The following ENG variants were observed in gnomAD, a reference collection of about 807,000 sequenced individuals.
The protein encoded by ENG is endoglin.
A neutral mutation model predicts 71.0 loss-of-function variants in ENG; 17 were observed. The ratio of observed to expected loss-of-function variants is 0.24; its 90% CI spans 0.16 to 0.36. ENG has a LOEUF of 0.36. Ranked by LOEUF, ENG falls within the 10% of genes least tolerant of loss-of-function variation. The probability of loss-of-function intolerance (pLI) is 1.00; values close to 1 mark genes in which losing one functional copy is unlikely to be tolerated. For synonymous variants in ENG, 360 were observed against 366.9 expected, an observed-to-expected ratio of 0.98 and a Z score of 0.21; for missense variants, 749 against 868.3, an observed-to-expected ratio of 0.86 and a Z score of 1.73.
intron 1 of ENG, among the ~76,000 whole-genome samples, chr9:127,851,276 G>C (rs1831277361): frequency 6.6e-6 from 1 of 151,914 alleles, no homozygotes; most frequent in Admixed American, 6.6e-5. Context: ...CTGGAGTGCG[G>C]TGGCTTGATC....
At chr9:127,831,767 C>T (rs1177527113) in intron 2 of ENG, among the ~76,000 whole-genome samples, 1 of 151,188 alleles carries the variant, frequency 6.6e-6, no homozygotes, top group African/African-American at 2.4e-5. Flanking sequence ...TCTCAGCTCA[C>T]TACAACCTCT....
rs751781664 is a variant in ENG, at chr9:127,820,057, C to T, written c.1135-20G>A. The stretch of plus-strand genomic sequence containing the variant: ...CAAATGCTGGGTCGGAAGAGAGGGG[C>T]ACCATCAGGAGGCACTGGGGTCTCT... On this transcript the variant is annotated intron_variant, in intron 8 of 14. Transcript: ENST00000373203. 1.7e-5 allele frequency: 28 copies of T among 1,612,062 alleles called. 1 individual carries two copies. The highest frequency in any genetic ancestry group is 2.4e-5 in the Non-Finnish European group (28 of 1,179,504).
chr9:127,830,340 T>TAA (rs141738433), intron 2 of ENG, among the ~76,000 whole-genome samples: 24 of 66,854 alleles, frequency 3.6e-4, no homozygotes, highest in African/African-American at 1.1e-3. Flanking sequence ...AGACTCCATC[T>TAA]AAAAAAAAAA....
chr9:127,824,989 A>G lies in ENG; in HGVS notation c.817-15T>C. The G allele has an allele frequency of 1.2e-6, 2 of 1,610,804 alleles. No homozygotes were observed. The highest frequency in any genetic ancestry group is 1.7e-6 in the Non-Finnish European group (2 of 1,179,428). ...TCTCCAGTGGTCTAATGGTGGGGAG[A>G]GAGGCAGAACAGGGGGCCATGGACA... On this transcript the variant is annotated splice_polypyrimidine_tract_variant and intron_variant, in intron 6 of 14. Transcript: ENST00000373203.
chr9:127,843,072 G>A lies in ENG; in HGVS notation c.219+22C>T, dbSNP rs370257876. On this transcript the variant is annotated intron_variant, in intron 2 of 14. Transcript: ENST00000373203. ...TGGAGCTTCCTCTGAGCCCCCACCCGACCCTGCCATGGGACACTCACCGTT... is the reference window on the plus strand; with the variant it reads ...TGGAGCTTCCTCTGAGCCCCCACCCAACCCTGCCATGGGACACTCACCGTT... 1,477 of 1,613,478 alleles carry A rather than the reference G, an allele frequency of 9.2e-4. No homozygotes were observed. Among genetic ancestry groups the A allele is most frequent in the Non-Finnish European group, 1.2e-3 (1,370 of 1,179,862 alleles).
intron 11 of ENG, 82 bp from the exon 12 acceptor site, chr9:127,818,459 A>G: frequency 1.9e-6 from 3 of 1,583,392 alleles, no homozygotes; most frequent in Non-Finnish European, 2.6e-6. Flanking sequence ...ATCGGCTAGA[A>G]TTAAGAGTTC....
At chr9:127,840,374 T>C (rs1353825284) in intron 2 of ENG, among the ~76,000 whole-genome samples, 1 of 152,158 alleles carries the variant, frequency 6.6e-6, no homozygotes, top group Non-Finnish European at 1.5e-5. Context: ...GGTGGGCGGA[T>C]TATTTGAGGT....
chr9:127,818,182 G>A lies in ENG; in HGVS notation c.1624C>T (p.Pro542Ser), dbSNP rs910711416. ...FLLHFYTVPI[P>S]KTGTLSCTVA... Reference sequence around the variant, plus strand: ...GTGCAGCTGAGGGTGCCGGTTTTGGGTATGGGTACTGTGTAGAAGTGGAGG... The same window carrying A: ...GTGCAGCTGAGGGTGCCGGTTTTGGATATGGGTACTGTGTAGAAGTGGAGG... The change falls in exon 12 of 15, where the codon CCC (proline) becomes TCC (serine). Residue 542 changes from proline to serine, a missense_variant. Transcript: ENST00000373203. The A allele has an allele frequency of 6.2e-7, 1 of 1,614,242 alleles. No individual in the cohort carries two copies. Among genetic ancestry groups the A allele is most frequent in the Non-Finnish European group, 8.5e-7 (1 of 1,180,036 alleles).
intron 5 of ENG, 84 bp from the exon 6 acceptor site, chr9:127,825,441 G>A: frequency 1.9e-6 from 3 of 1,586,952 alleles, no homozygotes; most frequent in African/African-American, 2.7e-5. Context: ...GGCGGCGGCT[G>A]CACTCTTACC....
chr9:127,844,274 C>T (rs186821216), intron 1 of ENG, among the ~76,000 whole-genome samples: 1 of 151,560 alleles, frequency 6.6e-6, no homozygotes, highest in African/African-American at 2.4e-5. Context: ...TACAGGCATG[C>T]ACCACCATGC....
At chr9:127,819,487 G>A (rs1277573934) in intron 10 of ENG, 135 bp downstream of exon 10, 10 of 1,185,558 alleles carry the variant, frequency 8.4e-6, no homozygotes, top group Non-Finnish European at 7.4e-6. Flanking sequence ...ATACAGAAGG[G>A]GAGACCGAGG....
At chr9:127,818,593 C>T in intron 11 of ENG, 123 bp downstream of exon 11, 4 of 1,383,918 alleles carry the variant, frequency 2.9e-6, no homozygotes, top group South Asian at 1.2e-5. Flanking sequence ...CTCTCCCGTG[C>T]ACCCAGGCTG....
In ENG at chr9:127,846,068, T is replaced by C. The variant is rs185558180; in HGVS notation, c.68-2823A>G. 5.3e-5 allele frequency among the ~76,000 whole-genome samples: 8 copies of C among 152,334 alleles called. No homozygotes were observed. The East Asian group carries it at 1.5e-3, about 29-fold the overall frequency. ...ATTATTTGACTGACTTCAGTCACTG[T>C]AGAATTGACTGTTCTAAGGGGTGGG... is the stretch of plus-strand genomic sequence containing the variant. On this transcript the variant is annotated intron_variant, in intron 1 of 14. Transcript: ENST00000373203. This position sits in a 1 kb window ranked among gnomAD's most constrained non-coding sequence, Gnocchi z 5.5.
intron 1 of ENG, among the ~76,000 whole-genome samples, chr9:127,851,376 C>CAGT (rs992025771): frequency 6.6e-6 from 1 of 151,812 alleles, no homozygotes; most frequent in African/African-American, 2.4e-5. Flanking sequence ...CCCACCACTA[C>CAGT]GCCTGGCTAA....
In ENG at chr9:127,824,858, C is replaced by G; in HGVS notation, c.933G>C (p.Val311=). 6.2e-7 allele frequency: 1 copy of G among 1,608,484 alleles called. No individual in the cohort carries two copies. The highest frequency in any genetic ancestry group is 8.5e-7 in the Non-Finnish European group (1 of 1,177,592). The stretch of plus-strand genomic sequence containing the variant: ...CCAGCGGTAGCTCCACGAAGGATGC[C>G]ACAATGCTGGCATTGAGCATCCGGG... ...GEARMLNASI[V]ASFVELPLAS... Residue 311 remains valine (V), a synonymous_variant, in exon 7 of 15, where the codon GTG becomes GTC. Coordinates refer to ENST00000373203, the MANE Select transcript of ENG (RefSeq NM_001114753.3).
Position 127,846,851 on chromosome 9 carries a change from C to CAGAG in ENG, c.68-3607_68-3606insCTCT. 2 of 985,476 alleles carry CAGAG rather than the reference C, an allele frequency of 2.0e-6. No individual in the cohort carries two copies. Among genetic ancestry groups the CAGAG allele is most frequent in the Non-Finnish European group, 2.4e-6 (2 of 830,020 alleles). 61.0% of individuals were successfully genotyped at this position (985,476 alleles called of 1,614,324 possible). A position where few individuals can be genotyped will look rare whatever the true frequency, so the allele number is the denominator to read the frequency against. ...TGACTGGAACCCCAAGTGAGAGACC[C>CAGAG]AGAAGCCACCTCCCACCACTGTCCC... On this transcript the variant is annotated intron_variant, in intron 1 of 14. Transcript: ENST00000373203. This position sits in a 1 kb window ranked among gnomAD's most constrained non-coding sequence, Gnocchi z 5.5.
chr9:127,824,234 A>C, intron 8 of ENG, 70 bp downstream of exon 8: 1 of 1,612,292 alleles, frequency 6.2e-7, no homozygotes, highest in South Asian at 1.1e-5. Context: ...TAGGACCCCA[A>C]GAGTCTTGGG....
At chr9:127,850,013 C>T (rs1564465101) in intron 1 of ENG, among the ~76,000 whole-genome samples, 1 of 152,216 alleles carries the variant, frequency 6.6e-6, no homozygotes, top group Non-Finnish European at 1.5e-5. Flanking sequence ...TATATTATCT[C>T]TTTATCCCAC....
chr9:127,835,209 G>T (rs1830868110), intron 2 of ENG, among the ~76,000 whole-genome samples: 1 of 151,818 alleles, frequency 6.6e-6, no homozygotes, highest in Non-Finnish European at 1.5e-5. Flanking sequence ...ATGTTGCCCA[G>T]GCTGGTGTTG....
Sources: allele counts gnomAD v4.1 joint callset (sites outside exome capture counted in the v4.1 genomes callset), GRCh38; gene constraint gnomAD v4.1.1; non-coding constraint Gnocchi (gnomAD v3.1); transcripts MANE v1.5; gene names NCBI Gene and HGNC (gene_info 2026-07-23, HGNC 2026-07-21).